Variants in ARL8A observed in about 807,000 individuals in gnomAD.
ARL8A encodes ADP-ribosylation factor-like protein 8A.
A neutral mutation model predicts 31.2 loss-of-function variants in ARL8A; 10 were observed. The ratio of observed to expected loss-of-function variants is 0.32; its 90% confidence interval spans 0.20 to 0.54. The LOEUF (loss-of-function observed/expected upper bound fraction) is 0.54. Ranked by LOEUF, ARL8A falls within the 20% of genes least tolerant of loss-of-function variation. The probability of loss-of-function intolerance (pLI) is 0.93; values close to 1 mark genes in which losing one functional copy is unlikely to be tolerated. For synonymous variants in ARL8A, 70 were observed against 86.9 expected (o/e 0.81, Z 1.08); for missense variants, 129 against 242.8 (o/e 0.53, Z 3.12).
rs1456561383 is a variant in ARL8A at position 202,138,491 on chromosome 1, A to G, written c.124-43T>C. 2.5e-6 allele frequency: 4 copies of G among 1,576,636 alleles called. No homozygotes were observed. The highest frequency in any genetic ancestry group is 1.7e-4 in the Middle Eastern group (1 of 5,992). On this transcript the variant is annotated intron_variant, in intron 1 of 6. Transcript: ENST00000272217. The surrounding 1 kb of genome is among the most constrained non-coding windows in gnomAD (Gnocchi z 4.4). ...AATGGGAAACAGTGCAAAAATCGATATGCCCCCACCGCAGACCAAGAGGCT... is the reference window on the plus strand; with the variant it reads ...AATGGGAAACAGTGCAAAAATCGATGTGCCCCCACCGCAGACCAAGAGGCT...
chr1:202,141,098 A>G (rs1391574802), intron 1 of ARL8A, among the ~76,000 whole-genome samples: 2 of 152,096 alleles, frequency 1.3e-5, no homozygotes, highest in Non-Finnish European at 2.9e-5. Flanking sequence ...GCAGAGGGGG[A>G]TGCTGGGAGG....
In ARL8A at chr1:202,144,402, C is replaced by A; in HGVS notation, c.123+48G>T. Reference sequence around the variant, plus strand: ...GGGCGCGGCGCGGGCGGGGACAGGCCCGACCCGCGGCCCGCGCCCGGGGAC... The same window carrying A: ...GGGCGCGGCGCGGGCGGGGACAGGCACGACCCGCGGCCCGCGCCCGGGGAC... On this transcript the variant is annotated intron_variant, in intron 1 of 6. Transcript: ENST00000272217. The surrounding 1 kb of genome is among the most constrained non-coding windows in gnomAD (Gnocchi z 5.2). 3 of 1,268,422 alleles carry A rather than the reference C, an allele frequency of 2.4e-6. No individual in the cohort carries two copies. Among genetic ancestry groups the A allele is most frequent in the South Asian group, 2.8e-5 (2 of 71,786 alleles). The allele number at this position is 1,268,422 out of a possible 1,614,324, so 78.6% of individuals were successfully genotyped here. A position where few individuals can be genotyped will look rare whatever the true frequency, so the allele number is the denominator to read the frequency against.
Position 202,138,294 on chromosome 1 carries a change from AACACACACACACACACAC to A in ARL8A, c.204+56_204+73del, listed in dbSNP as rs10531175. The A allele has an allele frequency of 1.6e-5, 22 of 1,337,814 alleles. 1 individual carries two copies. The highest frequency in any genetic ancestry group is 8.5e-5 in the South Asian group (7 of 82,328). The allele number at this position is 1,337,814 out of a possible 1,614,324, so 82.9% of individuals were successfully genotyped here. A position where few individuals can be genotyped will look rare whatever the true frequency, so the allele number is the denominator to read the frequency against. On this transcript the variant is annotated intron_variant, in intron 2 of 6. Coordinates refer to ENST00000272217, the MANE Select transcript of ARL8A (RefSeq NM_138795.4). The surrounding 1 kb of genome is among the most constrained non-coding windows in gnomAD (Gnocchi z 4.4). The stretch of plus-strand genomic sequence containing the variant: ...CCCAGGGGCCTCCGTTGCCCTCCCC[AACACACACACACACACAC>A]ACACACACACACACAAAAACAGTCC...
In ARL8A at chr1:202,133,444, G is replaced by A. The variant is rs890236378; in HGVS notation, c.*1023C>T. ...GTCATTTATTTTTTTTGTTGTCATTGTTATTAGGAAGCAAAAAAATGTACA... is the reference window on the plus strand; with the variant it reads ...GTCATTTATTTTTTTTGTTGTCATTATTATTAGGAAGCAAAAAAATGTACA... On this transcript the variant is annotated 3_prime_UTR_variant, in exon 7 of 7. Coordinates refer to ENST00000272217, the MANE Select transcript of ARL8A (RefSeq NM_138795.4). 6.6e-6 allele frequency: 1 copy of A among 152,122 alleles called. No individual in the cohort carries two copies. Among genetic ancestry groups the A allele is most frequent in the Non-Finnish European group, 1.5e-5 (1 of 68,018 alleles). 9.4% of individuals were successfully genotyped at this position (152,122 alleles called of 1,614,324 possible).
In ARL8A at chr1:202,135,011, TG is replaced by T; in HGVS notation, c.511+138del. The T allele has an allele frequency of 2.5e-6, 2 of 788,666 alleles. No homozygotes were observed. Among genetic ancestry groups the T allele is most frequent in the Non-Finnish European group, 4.2e-6 (2 of 478,070 alleles). The allele number at this position is 788,666 out of a possible 1,614,324, so 48.9% of individuals were successfully genotyped here. A position where few individuals can be genotyped will look rare whatever the true frequency, so the allele number is the denominator to read the frequency against. ...ACAAGCTGGGATAGTGCCCAGAATCTGGGCCACCTGGCTGCCTTTTCTACCC... is the reference window on the plus strand; with the variant it reads ...ACAAGCTGGGATAGTGCCCAGAATCTGGCCACCTGGCTGCCTTTTCTACCC... On this transcript the variant is annotated intron_variant, in intron 6 of 6. Coordinates refer to ENST00000272217, the MANE Select transcript of ARL8A (RefSeq NM_138795.4). This position sits in a 1 kb window ranked among gnomAD's most constrained non-coding sequence, Gnocchi z 5.3.
In ARL8A at chr1:202,135,029, T is replaced by C; in HGVS notation, c.511+121A>G. On this transcript the variant is annotated intron_variant, in intron 6 of 6. Coordinates refer to ENST00000272217, the MANE Select transcript of ARL8A (RefSeq NM_138795.4). This position sits in a 1 kb window ranked among gnomAD's most constrained non-coding sequence, Gnocchi z 5.3. ...CAGAATCTGGGCCACCTGGCTGCCT[T>C]TTCTACCCAAGAGCCACAGGGCTTT... The C allele has an allele frequency of 9.8e-7, 1 of 1,023,762 alleles. No homozygotes were observed. Among genetic ancestry groups the C allele is most frequent in the Non-Finnish European group, 1.5e-6 (1 of 678,892 alleles). 63.4% of individuals were successfully genotyped at this position (1,023,762 alleles called of 1,614,324 possible).
At chr1:202,137,327 A>G (rs1655037798) in intron 3 of ARL8A, among the ~76,000 whole-genome samples, 1 of 152,116 alleles carries the variant, frequency 6.6e-6, no homozygotes. Flanking sequence ...TCAGCCAAAA[A>G]AAACATTATT....
At position 202,140,531 on chromosome 1, in the gene ARL8A, G is replaced by A. The variant is rs1655140181; in HGVS notation, c.124-2083C>T. Among the ~76,000 whole-genome samples the A allele has an allele frequency of 3.3e-5, 5 of 152,248 alleles. No homozygotes were observed. In the South Asian group the frequency reaches 1.0e-3, roughly 32 times the overall value. On this transcript the variant is annotated intron_variant, in intron 1 of 6. Transcript: ENST00000272217. The stretch of plus-strand genomic sequence containing the variant: ...ACCCAGGACTGACACCCAATGACAA[G>A]GTCCAGCAGCGGTTTCCAACCTGAG...
chr1:202,137,731 A>G (rs1655051972), intron 3 of ARL8A, among the ~76,000 whole-genome samples: 2 of 152,222 alleles, frequency 1.3e-5, no homozygotes, highest in South Asian at 4.1e-4. Context: ...GCACAGGTGC[A>G]TCTGGCTGGT....
chr1:202,143,636 C>T (rs1306147059), intron 1 of ARL8A, among the ~76,000 whole-genome samples: 3 of 152,240 alleles, frequency 2.0e-5, no homozygotes, highest in Admixed American at 2.0e-4. Context: ...TTCCCCACCA[C>T]TCCCCTGGCG....
At chr1:202,137,161 C>T (rs954048030) in intron 3 of ARL8A, among the ~76,000 whole-genome samples, 13 of 152,052 alleles carry the variant, frequency 8.5e-5, no homozygotes, top group Non-Finnish European at 1.6e-4. Context: ...CAGCCCATGC[C>T]CTGCCATTTT....
intron 1 of ARL8A, among the ~76,000 whole-genome samples, chr1:202,139,375 C>T (rs1655102774): frequency 6.6e-6 from 1 of 151,998 alleles, no homozygotes; most frequent in Admixed American, 6.6e-5. Context: ...AGTTTGAGAC[C>T]ATCCTGATCA....
Position 202,134,892 on chromosome 1 carries a change from G to A in ARL8A, c.511+258C>T, listed in dbSNP as rs1654962357. On this transcript the variant is annotated intron_variant, in intron 6 of 6. Transcript: ENST00000272217. This position sits in a 1 kb window ranked among gnomAD's most constrained non-coding sequence, Gnocchi z 4.2. ...AGCATGTCAGAGCCAGCAGGGACCT[G>A]AGAATCACCGGGTCCAGCCCTGGAA... is the stretch of plus-strand genomic sequence containing the variant. 6.6e-6 allele frequency among the ~76,000 whole-genome samples: 1 copy of A among 152,246 alleles called. No homozygotes were observed.
rs1255115563 is a variant in ARL8A at position 202,138,168 on chromosome 1, C to A, written c.205-130G>T. The A allele has an allele frequency of 1.8e-5, 21 of 1,170,174 alleles. No individual in the cohort carries two copies. The South Asian group carries it at 2.1e-4, about 12-fold the overall frequency. The allele number at this position is 1,170,174 out of a possible 1,614,324, so 72.5% of individuals were successfully genotyped here. On this transcript the variant is annotated intron_variant, in intron 2 of 6. Coordinates refer to ENST00000272217, the MANE Select transcript of ARL8A (RefSeq NM_138795.4). The surrounding 1 kb of genome is among the most constrained non-coding windows in gnomAD (Gnocchi z 4.4). ...CCCGGCTTCCTCTCCAGTTCTCCCC[C>A]GTCTCCACCCGCTCTCCGTCTACCT...
At position 202,135,261 on chromosome 1, in the gene ARL8A, T is replaced by TC; in HGVS notation, c.441-42dup. On this transcript the variant is annotated intron_variant, in intron 5 of 6. Coordinates refer to ENST00000272217, the MANE Select transcript of ARL8A (RefSeq NM_138795.4). The surrounding 1 kb of genome is among the most constrained non-coding windows in gnomAD (Gnocchi z 5.3). ...GTAGAGTCCGCTGAGGCTACGAACG[T>TC]CCAGGGGGCCTGGGGCTAGGGGACA... 2 of 1,588,290 alleles carry TC rather than the reference T, an allele frequency of 1.3e-6. No individual in the cohort carries two copies. Among genetic ancestry groups the TC allele is most frequent in the South Asian group, 1.1e-5 (1 of 90,526 alleles).
chr1:202,143,178 G>C (rs1246355810), intron 1 of ARL8A, among the ~76,000 whole-genome samples: 1 of 152,180 alleles, frequency 6.6e-6, no homozygotes, highest in Non-Finnish European at 1.5e-5. Context: ...GTCATTTGCA[G>C]AGCATGTTTG....
At chr1:202,137,049 G>C (rs1387649632) in intron 3 of ARL8A, among the ~76,000 whole-genome samples, 1 of 151,808 alleles carries the variant, frequency 6.6e-6, no homozygotes, top group Non-Finnish European at 1.5e-5. Flanking sequence ...GTAGAGACAG[G>C]GTTTCACTGT....
At chr1:202,137,932 G>C in intron 3 of ARL8A, 33 bp downstream of exon 3, 1 of 1,612,780 alleles carries the variant, frequency 6.2e-7, no homozygotes, top group Middle Eastern at 1.6e-4. Flanking sequence ...GCCGGGTAAG[G>C]CTGGAGTCTG....
At chr1:202,140,432 C>T (rs567580220) in intron 1 of ARL8A, among the ~76,000 whole-genome samples, 6 of 152,172 alleles carry the variant, frequency 3.9e-5, no homozygotes, top group Admixed American at 2.0e-4. Flanking sequence ...TGAGCCACCG[C>T]GCCCAGCCCA....
Sources: gnomAD v4.1 joint callset for allele counts (sites outside exome capture counted in the v4.1 genomes callset) on GRCh38, gnomAD v4.1.1 for gene constraint, Gnocchi (gnomAD v3.1) non-coding constraint, MANE v1.5 for transcripts, NCBI Gene and HGNC (gene_info 2026-07-23, HGNC 2026-07-21) for gene names.